Variants in MAPKAP1 observed in about 807,000 individuals in gnomAD.
The protein encoded by MAPKAP1 is MAPK associated protein 1, also known as target of rapamycin complex 2 subunit MAPKAP1.
MAPKAP1 carries 20 observed loss-of-function variants against 65.7 expected under a neutral mutation model. That is an observed-to-expected ratio of 0.30 (90% CI 0.21 to 0.44). The LOEUF (loss-of-function observed/expected upper bound fraction) is 0.44. MAPKAP1 is among the 20% of genes least tolerant of loss of function. The probability of loss-of-function intolerance (pLI) is 1.00; values close to 1 mark genes in which losing one functional copy is unlikely to be tolerated. For missense variants in MAPKAP1, 423 were observed against 648.0 expected, an observed-to-expected ratio of 0.65 and a Z score of 3.77; for synonymous variants, 222 against 244.3, an observed-to-expected ratio of 0.91 and a Z score of 0.85.
At chr9:125,698,161 C>T (rs925312999) in intron 1 of MAPKAP1, among the ~76,000 whole-genome samples, 2 of 147,274 alleles carry the variant, frequency 1.4e-5, no homozygotes, top group African/African-American at 2.5e-5. Context: ...TCTCTCTATA[C>T]GTATATACAA....
chr9:125,506,626 C>T (rs1337776045), intron 7 of MAPKAP1, among the ~76,000 whole-genome samples: 1 of 152,134 alleles, frequency 6.6e-6, no homozygotes, highest in Non-Finnish European at 1.5e-5. Flanking sequence ...AGTCTGTTGC[C>T]ACTCAGTTCT....
In MAPKAP1 at chr9:125,437,537, A is replaced by G. The variant is rs1852331617; in HGVS notation, c.*1350T>C. On this transcript the variant is annotated 3_prime_UTR_variant, in exon 12 of 12. Coordinates refer to ENST00000265960, the MANE Select transcript of MAPKAP1 (RefSeq NM_001006617.3). The stretch of plus-strand genomic sequence containing the variant: ...TTCAAATACAGATAGCAAGCTACAA[A>G]TATTTCTTTTGTTTTTGGGTGGGGG... 6.6e-6 allele frequency: 1 copy of G among 152,602 alleles called. No individual in the cohort carries two copies. Among genetic ancestry groups the G allele is most frequent in the African/African-American group, 2.4e-5 (1 of 41,438 alleles). The allele number at this position is 152,602 out of a possible 1,614,324, so 9.5% of individuals were successfully genotyped here. A position where few individuals can be genotyped will look rare whatever the true frequency, so the allele number is the denominator to read the frequency against.
At chr9:125,562,165 A>G (rs894472310) in intron 5 of MAPKAP1, among the ~76,000 whole-genome samples, 1 of 152,238 alleles carries the variant, frequency 6.6e-6, no homozygotes, top group Non-Finnish European at 1.5e-5. Flanking sequence ...AAGTCCAACA[A>G]TGATATCAGA....
chr9:125,529,572 G>A (rs1829877297), intron 7 of MAPKAP1, among the ~76,000 whole-genome samples: 1 of 152,094 alleles, frequency 6.6e-6, no homozygotes, highest in Non-Finnish European at 1.5e-5. Flanking sequence ...GCTATGATTT[G>A]ATATTTCTGT....
Position 125,437,877 on chromosome 9 carries a change from C to G in MAPKAP1, c.*1010G>C, listed in dbSNP as rs1852350575. 1 of 152,568 alleles carries G rather than the reference C, an allele frequency of 6.6e-6. No individual in the cohort carries two copies. Among genetic ancestry groups the G allele is most frequent in the Non-Finnish European group, 1.5e-5 (1 of 68,260 alleles). 9.5% of individuals were successfully genotyped at this position (152,568 alleles called of 1,614,324 possible). A position where few individuals can be genotyped will look rare whatever the true frequency, so the allele number is the denominator to read the frequency against. Reference sequence around the variant, plus strand: ...GTGTCAGGGGCATCTGATCCCTTGCCTGTTCCCACCCAGGGAGCCGGACGG... The same window carrying G: ...GTGTCAGGGGCATCTGATCCCTTGCGTGTTCCCACCCAGGGAGCCGGACGG... On this transcript the variant is annotated 3_prime_UTR_variant, in exon 12 of 12. Transcript: ENST00000265960.
At chr9:125,557,860 ATAATT>A (rs1403154173) in intron 6 of MAPKAP1, among the ~76,000 whole-genome samples, 1 of 152,088 alleles carries the variant, frequency 6.6e-6, no homozygotes, top group African/African-American at 2.4e-5. Context: ...TGAAACGTTT[ATAATT>A]TATTATTTTT....
chr9:125,632,583 G>C lies in MAPKAP1; in HGVS notation c.498+25068C>G, dbSNP rs145212428. ...CCATACACAAATGACTGCATCTTAT[G>C]ACTTAAGTGCAAGTATCATTTTGGT... On this transcript the variant is annotated intron_variant, in intron 4 of 11. Coordinates refer to ENST00000265960, the MANE Select transcript of MAPKAP1 (RefSeq NM_001006617.3). 4.6e-4 allele frequency among the ~76,000 whole-genome samples: 70 copies of C among 152,184 alleles called. No individual in the cohort carries two copies. The East Asian group carries it at 5.8e-3, about 13-fold the overall frequency.
intron 4 of MAPKAP1, among the ~76,000 whole-genome samples, chr9:125,613,913 T>C (rs1832673956): frequency 6.6e-6 from 1 of 152,038 alleles, no homozygotes; most frequent in East Asian, 1.9e-4. Flanking sequence ...TTCTCCTGCC[T>C]CATCCTCCCC....
chr9:125,440,165 C>T (rs1852427909), intron 11 of MAPKAP1, among the ~76,000 whole-genome samples: 1 of 152,178 alleles, frequency 6.6e-6, no homozygotes, highest in African/African-American at 2.4e-5. Flanking sequence ...TGGGCGGCAG[C>T]AGCAGTGTGA....
intron 4 of MAPKAP1, among the ~76,000 whole-genome samples, chr9:125,648,421 T>C (rs1833793341): frequency 6.6e-6 from 1 of 152,224 alleles, no homozygotes; most frequent in African/African-American, 2.4e-5. Context: ...CTCTGGAATC[T>C]TAAAGCCAAA....
Position 125,506,337 on chromosome 9 carries a change from A to G in MAPKAP1, c.1039T>C (p.Trp347Arg), listed in dbSNP as rs1026487281. 15 of 1,614,020 alleles carry G rather than the reference A, an allele frequency of 9.3e-6. No homozygotes were observed. The highest frequency in any genetic ancestry group is 1.3e-5 in the Non-Finnish European group (15 of 1,179,976). ...TTCTCGCGGACCAGGCAGAACTCCC[A>G]TGCGCTCTGGCTCTCCAAAGTGCTG... ...LDSTLESQSA[W>R]EFCLVRENSS... is the part of the protein sequence containing the mutation. Residue 347 changes from tryptophan (W) to arginine (R), a missense_variant, in exon 8 of 12, where the codon TGG becomes CGG. Trp to Arg is a moderately radical substitution (Grantham distance 101). Around this residue, in one of 6 missense-constraint regions of MAPKAP1, gnomAD observed 185 missense variants for 268.1 expected, o/e 0.69. Transcript: ENST00000265960.
rs954049320 is a variant in MAPKAP1 at position 125,494,221 on chromosome 9, C to T, written c.1067-9638G>A. Among the ~76,000 whole-genome samples, 4 of 152,206 alleles carry T rather than the reference C, an allele frequency of 2.6e-5. No individual in the cohort carries two copies. In the East Asian group the frequency reaches 7.7e-4, roughly 29 times the overall value. On this transcript the variant is annotated intron_variant, in intron 8 of 11. Transcript: ENST00000265960. ...AGCCCAAAACTTCTCTTCTATTAAACACTTCCCTTTGGCTACTAGTTATTT... is the reference window on the plus strand; with the variant it reads ...AGCCCAAAACTTCTCTTCTATTAAATACTTCCCTTTGGCTACTAGTTATTT...
At chr9:125,531,728 A>G (rs1366750458) in intron 7 of MAPKAP1, among the ~76,000 whole-genome samples, 1 of 152,152 alleles carries the variant, frequency 6.6e-6, no homozygotes, top group Non-Finnish European at 1.5e-5. Flanking sequence ...GAACCCATAT[A>G]CCCATCACCT....
chr9:125,514,657 T>C (rs1201413966), intron 7 of MAPKAP1, among the ~76,000 whole-genome samples: 3 of 152,166 alleles, frequency 2.0e-5, no homozygotes, highest in African/African-American at 7.2e-5. Context: ...TGGCCCAGAT[T>C]GTTGGTCAAG....
intron 1 of MAPKAP1, among the ~76,000 whole-genome samples, chr9:125,703,783 AAAAC>A (rs1354633782): frequency 1.3e-5 from 2 of 149,336 alleles, no homozygotes; most frequent in Admixed American, 6.7e-5. Flanking sequence ...AAAAAAAAAA[AAAAC>A]AAGTAACGTG....
intron 5 of MAPKAP1, among the ~76,000 whole-genome samples, chr9:125,561,738 A>G (rs1416175628): frequency 2.0e-5 from 3 of 152,232 alleles, no homozygotes; most frequent in Admixed American, 2.0e-4. Context: ...AAAAGGGTAT[A>G]ATCGTCCCTC....
At chr9:125,685,162 C>T (rs1215133386) in intron 1 of MAPKAP1, among the ~76,000 whole-genome samples, 1 of 151,996 alleles carries the variant, frequency 6.6e-6, no homozygotes, top group Non-Finnish European at 1.5e-5. Flanking sequence ...AGGCAAAGTC[C>T]TGCCCTCATG....
intron 6 of MAPKAP1, among the ~76,000 whole-genome samples, chr9:125,546,937 T>C (rs534982361): frequency 6.6e-6 from 1 of 152,238 alleles, no homozygotes. Flanking sequence ...CTAGGGACAC[T>C]GAGAAGCAGC....
intron 7 of MAPKAP1, among the ~76,000 whole-genome samples, chr9:125,541,541 C>A (rs968801647): frequency 6.6e-6 from 1 of 152,192 alleles, no homozygotes; most frequent in African/African-American, 2.4e-5. Context: ...TACTAAATAT[C>A]TTTGATTATC....
Sources: gnomAD v4.1 joint callset for allele counts (sites outside exome capture counted in the v4.1 genomes callset) on GRCh38, gnomAD v4.1.1 for gene constraint, gnomAD v4.1.1 regional missense constraint, MANE v1.5 for transcripts, NCBI Gene and HGNC (gene_info 2026-07-23, HGNC 2026-07-21) for gene names.